The following USP31 variants were observed in gnomAD, a reference collection of about 807,000 sequenced individuals.
The protein encoded by USP31 is ubiquitin carboxyl-terminal hydrolase 31.
Under a neutral mutation model 119.4 loss-of-function variants are expected in USP31, and 44 were observed. The ratio of observed to expected loss-of-function variants is 0.37; its 90% CI spans 0.29 to 0.47. The LOEUF (loss-of-function observed/expected upper bound fraction) is 0.47. Ranked by LOEUF, USP31 falls within the 20% of genes least tolerant of loss-of-function variation. The probability of loss-of-function intolerance (pLI) is 0.99; values close to 1 mark genes in which losing one functional copy is unlikely to be tolerated. For missense variants in USP31, 1,643 were observed against 1,730.2 expected (o/e 0.95, Z 0.89); for synonymous variants, 749 against 705.6 (o/e 1.06, Z -0.97).
At chr16:23,093,855 T>C (rs1012776538) in intron 6 of USP31, among the ~76,000 whole-genome samples, 2 of 152,138 alleles carry the variant, frequency 1.3e-5, no homozygotes, top group Admixed American at 1.3e-4. Context: ...GTTCGGCCAT[T>C]AAAAAGGAAT....
Position 23,063,851 on chromosome 16 carries a change from G to A in USP31, c.*4195C>T, listed in dbSNP as rs1410856400. ...CCACGCACAATTGTTTTTACTTGGG[G>A]AAAAAAATGGTCATGCTCAAAATGC... is the stretch of plus-strand genomic sequence containing the variant. On this transcript the variant is annotated 3_prime_UTR_variant, in exon 16 of 16. Coordinates refer to ENST00000219689, the MANE Select transcript of USP31 (RefSeq NM_020718.4). 1 of 151,666 alleles carries A rather than the reference G, an allele frequency of 6.6e-6. No homozygotes were observed. The highest frequency in any genetic ancestry group is 1.9e-4 in the East Asian group (1 of 5,172). 9.4% of individuals were successfully genotyped at this position (151,666 alleles called of 1,614,324 possible). A position where few individuals can be genotyped will look rare whatever the true frequency, so the allele number is the denominator to read the frequency against.
intron 14 of USP31, among the ~76,000 whole-genome samples, chr16:23,073,233 A>G (rs968260452): frequency 6.6e-6 from 1 of 152,146 alleles, no homozygotes; most frequent in Non-Finnish European, 1.5e-5. Context: ...GAATAGTCCA[A>G]TCTTCTCACT....
At chr16:23,087,057 T>C in intron 9 of USP31, 35 bp downstream of exon 9, 1 of 1,507,420 alleles carries the variant, frequency 6.6e-7, no homozygotes. Flanking sequence ...ATGTGTGAGA[T>C]TCTAAAAGGT....
Position 23,065,287 on chromosome 16 carries a change from T to C in USP31, c.*2759A>G, listed in dbSNP as rs1233497409. On this transcript the variant is annotated 3_prime_UTR_variant, in exon 16 of 16. Coordinates refer to ENST00000219689, the MANE Select transcript of USP31 (RefSeq NM_020718.4). ...AGATAATTTTTAACCCCAAAGCACA[T>C]ACACGCTCATTGTGCTAAATATTGC... 1.5e-5 allele frequency: 2 copies of C among 137,400 alleles called. No homozygotes were observed. Among genetic ancestry groups the C allele is most frequent in the Admixed American group, 7.4e-5 (1 of 13,506 alleles). 8.5% of individuals were successfully genotyped at this position (137,400 alleles called of 1,614,324 possible).
Position 23,063,323 on chromosome 16 carries a change from G to T in USP31, c.*4723C>A, listed in dbSNP as rs1317531605. 1 of 152,322 alleles carries T rather than the reference G, an allele frequency of 6.6e-6. No homozygotes were observed. Among genetic ancestry groups the T allele is most frequent in the Non-Finnish European group, 1.5e-5 (1 of 68,042 alleles). The allele number at this position is 152,322 out of a possible 1,614,324, so 9.4% of individuals were successfully genotyped here. A position where few individuals can be genotyped will look rare whatever the true frequency, so the allele number is the denominator to read the frequency against. On this transcript the variant is annotated 3_prime_UTR_variant, in exon 16 of 16. Transcript: ENST00000219689. Reference sequence around the variant, plus strand: ...AATTCCATGGGCTTAGTCTAATTGTGATCAGTGGCTGGGAAGCCCCAAAGC... The same window carrying T: ...AATTCCATGGGCTTAGTCTAATTGTTATCAGTGGCTGGGAAGCCCCAAAGC...
Position 23,069,616 on chromosome 16 carries a change from C to T in USP31, c.2489G>A (p.Gly830Glu), listed in dbSNP as rs752651576. The T allele has an allele frequency of 6.2e-7, 1 of 1,602,654 alleles. No individual in the cohort carries two copies. The highest frequency in any genetic ancestry group is 8.5e-7 in the Non-Finnish European group (1 of 1,172,160). ...EMTGERSEDDGGFSTRPFVRS... is the reference protein window; with the variant it reads ...EMTGERSEDDEGFSTRPFVRS... Reference sequence around the variant, plus strand: ...CACAAATGGTCGAGTTGAAAAGCCTCCTGAACACAGTAAAGAGAATACTGT... The same window carrying T: ...CACAAATGGTCGAGTTGAAAAGCCTTCTGAACACAGTAAAGAGAATACTGT... Residue 830 changes from glycine to glutamate, a missense_variant and splice_region_variant, in exon 16 of 16, where the codon GGA becomes GAA. Transcript: ENST00000219689.
At chr16:23,071,747 G>GAA (rs11383816) in intron 15 of USP31, among the ~76,000 whole-genome samples, 5,080 of 145,548 alleles carry the variant, frequency 0.035, 103 homozygotes, top group Middle Eastern at 0.064. Flanking sequence ...AACACTTTGG[G>GAA]AAAAAAAAAA....
intron 13 of USP31, 67 bp downstream of exon 13, chr16:23,079,879 C>A: frequency 4.2e-6 from 6 of 1,427,444 alleles, no homozygotes; most frequent in Non-Finnish European, 5.6e-6. Context: ...AGTCAAGTCA[C>A]CCTGCCACAA....
intron 6 of USP31, 107 bp downstream of exon 6, chr16:23,102,212 A>G: frequency 8.1e-7 from 1 of 1,232,774 alleles, no homozygotes; most frequent in South Asian, 2.2e-5. Flanking sequence ...GTATTTTACC[A>G]CAATTTAAAA....
intron 1 of USP31, among the ~76,000 whole-genome samples, chr16:23,125,388 G>A: frequency 6.6e-6 from 1 of 152,164 alleles, no homozygotes; most frequent in East Asian, 1.9e-4. Context: ...TCTGAAGCTT[G>A]ACAGAATCCG....
intron 12 of USP31, among the ~76,000 whole-genome samples, chr16:23,080,974 C>T (rs1900794600): frequency 6.6e-6 from 1 of 152,130 alleles, no homozygotes; most frequent in African/African-American, 2.4e-5. Context: ...ACTGTGTAAG[C>T]AGTGCACAGA....
At chr16:23,129,232 TGAGA>T (rs1220193875) in intron 1 of USP31, among the ~76,000 whole-genome samples, 2 of 151,906 alleles carry the variant, frequency 1.3e-5, no homozygotes, top group African/African-American at 4.8e-5. Context: ...ATAAAATAAA[TGAGA>T]GAGAGAGGTT....
chr16:23,088,091 G>A (rs1028096121), intron 7 of USP31, among the ~76,000 whole-genome samples: 5 of 152,138 alleles, frequency 3.3e-5, no homozygotes, highest in African/African-American at 4.8e-5. Flanking sequence ...AGGTGGCAAC[G>A]GGGCAGGATC....
intron 1 of USP31, among the ~76,000 whole-genome samples, chr16:23,119,104 T>C (rs1255484552): frequency 7.0e-6 from 1 of 142,080 alleles, no homozygotes; most frequent in Non-Finnish European, 1.6e-5. Flanking sequence ...CTTCTTTTTT[T>C]CTTTTTTTTT....
rs1024149183 is a variant in USP31, at chr16:23,087,007, T to C, written c.1622+85A>G. On this transcript the variant is annotated intron_variant, in intron 9 of 15. Transcript: ENST00000219689. ...GCCTAAAGAACCCTGCACACTTATG[T>C]GGAAATTATATAAGACATCACTTGA... 8.7e-6 allele frequency: 9 copies of C among 1,038,468 alleles called. No homozygotes were observed. The African/African-American group carries it at 1.5e-4, about 17-fold the overall frequency. 64.3% of individuals were successfully genotyped at this position (1,038,468 alleles called of 1,614,324 possible). A position where few individuals can be genotyped will look rare whatever the true frequency, so the allele number is the denominator to read the frequency against.
At chr16:23,130,108 T>G (rs1222627927) in intron 1 of USP31, among the ~76,000 whole-genome samples, 1 of 152,246 alleles carries the variant, frequency 6.6e-6, no homozygotes, top group Non-Finnish European at 1.5e-5. Flanking sequence ...GCTACAGCTC[T>G]TTCCCTGTGT....
chr16:23,077,923 C>T (rs964859065), intron 13 of USP31, among the ~76,000 whole-genome samples: 28 of 152,162 alleles, frequency 1.8e-4, no homozygotes, highest in Admixed American at 1.3e-4. Context: ...CAATGTTACA[C>T]GAAAAGTTAA....
chr16:23,096,314 A>C (rs1377286355), intron 6 of USP31, among the ~76,000 whole-genome samples: 3 of 152,196 alleles, frequency 2.0e-5, no homozygotes, highest in African/African-American at 7.2e-5. Flanking sequence ...ATATATATGC[A>C]CCCAATACAG....
At chr16:23,122,908 T>C (rs1365999146) in intron 1 of USP31, among the ~76,000 whole-genome samples, 2 of 152,228 alleles carry the variant, frequency 1.3e-5, no homozygotes, top group East Asian at 1.9e-4. Flanking sequence ...AATCGAACTG[T>C]ACACTAAATG....
Sources: allele counts gnomAD v4.1 joint callset (sites outside exome capture counted in the v4.1 genomes callset), GRCh38; gene constraint gnomAD v4.1.1; transcripts MANE v1.5; gene names NCBI Gene and HGNC (gene_info 2026-07-23, HGNC 2026-07-21).